SPAG1: variants seen among roughly 807,000 people sequenced by gnomAD.
SPAG1 encodes the protein sperm associated antigen 1.
In SPAG1, 69 loss-of-function variants were observed where a neutral mutation model predicts 100.5. The ratio of observed to expected loss-of-function variants is 0.69; its 90% CI spans 0.57 to 0.84. The LOEUF is 0.84. Among genes scored for constraint, SPAG1 ranks in the 40% least tolerant of loss-of-function variants. The pLI, the probability that SPAG1 is intolerant of heterozygous loss-of-function variation, is 0.00. For synonymous variants in SPAG1, 336 were observed against 411.6 expected, an observed-to-expected ratio of 0.82 and a Z score of 2.22; for missense variants, 955 against 1,133.1, an observed-to-expected ratio of 0.84 and a Z score of 2.26.
Position 100,241,848 on chromosome 8 carries a change from A to G in SPAG1, c.*826A>G, listed in dbSNP as rs1819285926. On this transcript the variant is annotated 3_prime_UTR_variant, in exon 19 of 19. Transcript: ENST00000388798. The surrounding 1 kb of genome is among the most constrained non-coding windows in gnomAD (Gnocchi z 5.1). Reference sequence around the variant, plus strand: ...TACTGTAAAAGAATATGAAGAACTCATACATGTTGAAAGCTCCTTTGTTGA... The same window carrying G: ...TACTGTAAAAGAATATGAAGAACTCGTACATGTTGAAAGCTCCTTTGTTGA... 1 of 152,158 alleles carries G rather than the reference A, an allele frequency of 6.6e-6. No homozygotes were observed. Among genetic ancestry groups the G allele is most frequent in the Non-Finnish European group, 1.5e-5 (1 of 68,014 alleles). 9.4% of individuals were successfully genotyped at this position (152,158 alleles called of 1,614,324 possible). A position where few individuals can be genotyped will look rare whatever the true frequency, so the allele number is the denominator to read the frequency against.
intron 16 of SPAG1, among the ~76,000 whole-genome samples, chr8:100,238,157 G>A (rs533251213): frequency 2.0e-5 from 3 of 152,234 alleles, no homozygotes; most frequent in South Asian, 2.1e-4. Flanking sequence ...TGCCTAGAAC[G>A]CTTAGGATAT....
At chr8:100,190,980 A>G (rs2132279577) in intron 8 of SPAG1, among the ~76,000 whole-genome samples, 1 of 152,182 alleles carries the variant, frequency 6.6e-6, no homozygotes, top group Non-Finnish European at 1.5e-5. Flanking sequence ...AATATACTAA[A>G]TTTTGATAAG....
At position 100,213,178 on chromosome 8, in the gene SPAG1, C is replaced by G. The variant is rs1817805929; in HGVS notation, c.1185C>G (p.Gly395=). Residue 395 remains glycine, a synonymous_variant, in exon 11 of 19, where the codon GGC becomes GGG. Coordinates refer to ENST00000388798, the MANE Select transcript of SPAG1 (RefSeq NM_003114.5). ...AGAAGCTGACTGGCAAAGCCGAAGG[C>G]GGCAAGCGGCCGGCAAGGGGCGCGC... is the stretch of plus-strand genomic sequence containing the variant. ...IQKKLTGKAE[G]GKRPARGAPQ... 3 of 1,471,114 alleles carry G rather than the reference C, an allele frequency of 2.0e-6. No individual in the cohort carries two copies. Among genetic ancestry groups the G allele is most frequent in the South Asian group, 2.5e-5 (2 of 78,572 alleles). 91.1% of individuals were successfully genotyped at this position (1,471,114 alleles called of 1,614,324 possible).
At position 100,233,521 on chromosome 8, in the gene SPAG1, C is replaced by G. The variant is rs1384126708; in HGVS notation, c.2099C>G (p.Ala700Gly). 6.2e-7 allele frequency: 1 copy of G among 1,605,864 alleles called. No individual in the cohort carries two copies. The highest frequency in any genetic ancestry group is 8.5e-7 in the Non-Finnish European group (1 of 1,175,088). Reference protein sequence around the residue: ...NVKAFYRRALAHKGLKNYQKS... With the variant: ...NVKAFYRRALGHKGLKNYQKS... ...AAAGCCTTCTATAGACGAGCTCTGG[C>G]TCATAAAGGACTCAAGGTGAGGAAA... The change falls in exon 16 of 19, where the codon GCT becomes GGT. Residue 700 changes from alanine (A) to glycine (G), a missense_variant. Transcript: ENST00000388798.
chr8:100,230,504 A>G (rs1409064338), intron 14 of SPAG1, among the ~76,000 whole-genome samples: 1 of 152,186 alleles, frequency 6.6e-6, no homozygotes, highest in Admixed American at 6.5e-5. Flanking sequence ...CCCTGTTAGC[A>G]TTGTTTGCTT....
At chr8:100,222,623 A>C (rs1232713769) in intron 13 of SPAG1, among the ~76,000 whole-genome samples, 1 of 152,224 alleles carries the variant, frequency 6.6e-6, no homozygotes, top group African/African-American at 2.4e-5. Context: ...AGACACCGGA[A>C]GTATCTGGCA....
intron 10 of SPAG1, among the ~76,000 whole-genome samples, chr8:100,212,558 TA>T (rs1201482989): frequency 6.6e-6 from 1 of 152,206 alleles, no homozygotes; most frequent in African/African-American, 2.4e-5. Flanking sequence ...CCTTTAAGTT[TA>T]AAAACTAGGT....
At chr8:100,224,490 C>T (rs1586531159) in intron 13 of SPAG1, among the ~76,000 whole-genome samples, 2 of 152,198 alleles carry the variant, frequency 1.3e-5, no homozygotes, top group Admixed American at 1.3e-4. Context: ...TGCAGTGAAC[C>T]GAGGTCGCAT....
chr8:100,207,303 C>T (rs1025471794), intron 10 of SPAG1, among the ~76,000 whole-genome samples: 1 of 152,152 alleles, frequency 6.6e-6, no homozygotes, highest in Non-Finnish European at 1.5e-5. Context: ...GGAGGTGGCT[C>T]AAATGCCCAT....
At chr8:100,203,685 G>C (rs775646626) in intron 10 of SPAG1, among the ~76,000 whole-genome samples, 1 of 152,164 alleles carries the variant, frequency 6.6e-6, no homozygotes, top group African/African-American at 2.4e-5. Context: ...GAAGCTGGTT[G>C]GTTGCTCCTA....
chr8:100,212,096 C>T (rs1322952827), intron 10 of SPAG1, among the ~76,000 whole-genome samples: 4 of 152,140 alleles, frequency 2.6e-5, no homozygotes, highest in Admixed American at 1.3e-4. Context: ...GCTGGTGATC[C>T]AAATTGGATG....
At chr8:100,213,795 T>C in intron 11 of SPAG1, 24 bp from the exon 12 acceptor site, 4 of 1,380,358 alleles carry the variant, frequency 2.9e-6, no homozygotes, top group Non-Finnish European at 4.1e-6. Context: ...ATTTTAACTG[T>C]ATTTAATTAA....
Position 100,241,131 on chromosome 8 carries a change from G to A in SPAG1, c.*109G>A, listed in dbSNP as rs1819255482. ...ATAAAACTTGGCCTAGAAAAGTTTG[G>A]TCTGCACTATAAAACATTTTACTTA... On this transcript the variant is annotated 3_prime_UTR_variant, in exon 19 of 19. Transcript: ENST00000388798. This position sits in a 1 kb window ranked among gnomAD's most constrained non-coding sequence, Gnocchi z 5.1. 8.5e-6 allele frequency: 9 copies of A among 1,060,754 alleles called. No individual in the cohort carries two copies. Among genetic ancestry groups the A allele is most frequent in the Admixed American group, 7.8e-5 (3 of 38,322 alleles). 65.7% of individuals were successfully genotyped at this position (1,060,754 alleles called of 1,614,324 possible).
At chr8:100,181,642 G>A (rs963922746) in intron 4 of SPAG1, among the ~76,000 whole-genome samples, 12 of 152,078 alleles carry the variant, frequency 7.9e-5, no homozygotes, top group African/African-American at 2.7e-4. Context: ...TGGAAGCCCC[G>A]GCCTTCCTTG....
At chr8:100,195,763 A>AATT (rs1236629543) in intron 10 of SPAG1, among the ~76,000 whole-genome samples, 1 of 152,194 alleles carries the variant, frequency 6.6e-6, no homozygotes, top group Non-Finnish European at 1.5e-5. Context: ...GTTATTTTAA[A>AATT]ATTTTATATA....
At chr8:100,212,994 G>T in intron 10 of SPAG1, 96 bp from the exon 11 acceptor site, 2 of 1,001,226 alleles carry the variant, frequency 2.0e-6, no homozygotes, top group Non-Finnish European at 2.6e-6. Flanking sequence ...CCTAGAGCCC[G>T]CCCTCCGCGT....
rs1483356834 is a variant in SPAG1, at chr8:100,240,906, AT to A, written c.2667del (p.Ser890AlafsTer7). The A allele has an allele frequency of 1.2e-6, 2 of 1,603,596 alleles. No individual in the cohort carries two copies. The highest frequency in any genetic ancestry group is 1.7e-6 in the Non-Finnish European group (2 of 1,177,052). On this transcript the variant is annotated frameshift_variant, in exon 19 of 19. Transcript: ENST00000388798. LOFTEE classifies it high-confidence loss of function. ...AERFKMMLTLISKGQKELIEQ... is the reference protein window; with the variant it reads ...AERFKMMLTLXSKGQKELIEQ... ...CTTCTTTTAGATGATGTTGACACTA[AT>A]TAGCAAGGGCCAAAAGGAGCTAATT...
intron 10 of SPAG1, among the ~76,000 whole-genome samples, chr8:100,201,327 G>A (rs971171020): frequency 9.9e-5 from 15 of 151,720 alleles, no homozygotes; most frequent in Admixed American, 7.2e-4. Flanking sequence ...GTCTCACTTC[G>A]TTACTCAGGG....
At chr8:100,216,431 T>C (rs1371137889) in intron 12 of SPAG1, among the ~76,000 whole-genome samples, 1 of 152,194 alleles carries the variant, frequency 6.6e-6, no homozygotes, top group African/African-American at 2.4e-5. Context: ...CTGGCTAAAA[T>C]TGGCTGTGTT....
Sources: gnomAD v4.1 joint callset for allele counts (sites outside exome capture counted in the v4.1 genomes callset) on GRCh38, gnomAD v4.1.1 for gene constraint, Gnocchi (gnomAD v3.1) non-coding constraint, MANE v1.5 for transcripts, NCBI Gene and HGNC (gene_info 2026-07-23, HGNC 2026-07-21) for gene names.